SAMD12: variants seen among roughly 807,000 people sequenced by gnomAD.
The protein encoded by SAMD12 is sterile alpha motif domain-containing protein 12.
A neutral mutation model predicts 15.0 loss-of-function variants in SAMD12; 9 were observed. The ratio of observed to expected loss-of-function variants is 0.60; its 90% CI spans 0.36 to 1.05. SAMD12 has a LOEUF of 1.05. Ranked by LOEUF, SAMD12 falls within the 50% of genes least tolerant of loss-of-function variation. The probability of loss-of-function intolerance (pLI) is 0.01; values close to 1 mark genes in which losing one functional copy is unlikely to be tolerated. For synonymous variants in SAMD12, 86 were observed against 90.1 expected, an observed-to-expected ratio of 0.96 and a Z score of 0.25; for missense variants, 230 against 234.2, an observed-to-expected ratio of 0.98 and a Z score of 0.12.
At chr8:118,450,402 T>C (rs574052260) in intron 2 of SAMD12, among the ~76,000 whole-genome samples, 1 of 152,284 alleles carries the variant, frequency 6.6e-6, no homozygotes, top group South Asian at 2.1e-4. Context: ...GTGTCTGCTC[T>C]GTCTTAGTAC....
At chr8:118,467,776 T>C (rs1823640464) in intron 2 of SAMD12, among the ~76,000 whole-genome samples, 2 of 152,194 alleles carry the variant, frequency 1.3e-5, no homozygotes. Flanking sequence ...GCGGAGTAGA[T>C]GGTACCCAGT....
the SAMD12 span, among the ~76,000 whole-genome samples, chr8:118,175,425 T>C: frequency 1.3e-5 from 2 of 152,200 alleles, no homozygotes; most frequent in Non-Finnish European, 2.9e-5. Context: ...TTCTGGACAT[T>C]GCCCTGGGCA....
At chr8:118,173,633 CTT>C in the SAMD12 span, among the ~76,000 whole-genome samples, 3 of 139,338 alleles carry the variant, frequency 2.2e-5, no homozygotes, top group African/African-American at 7.9e-5. Flanking sequence ...ATATCCATAA[CTT>C]TTTTTTTTTT....
chr8:118,617,201 T>A (rs990335984), intron 1 of SAMD12, among the ~76,000 whole-genome samples: 1 of 152,264 alleles, frequency 6.6e-6, no homozygotes, highest in Admixed American at 6.5e-5. Flanking sequence ...TTACTCTCTG[T>A]GATGCAGTTC....
intron 4 of SAMD12, among the ~76,000 whole-genome samples, chr8:118,367,840 G>A (rs1465455942): frequency 2.6e-5 from 4 of 152,140 alleles, no homozygotes; most frequent in Non-Finnish European, 5.9e-5. Context: ...CATTAGGGGC[G>A]CTACAAAAGG....
chr8:118,580,960 T>C, intron 1 of SAMD12, 67 bp from the exon 2 acceptor site: 1 of 1,283,510 alleles, frequency 7.8e-7, no homozygotes, highest in South Asian at 1.4e-5. Flanking sequence ...TGACAGAAAA[T>C]ATTCATCAAG....
exon 5 of SAMD12, chr8:118,196,760 A>T (rs1197906061): frequency 6.6e-6 from 1 of 152,092 alleles, no homozygotes; most frequent in African/African-American, 2.4e-5. Context: ...CCATCCATCC[A>T]CCATGGTCTT....
At chr8:118,439,758 T>G in intron 3 of SAMD12, 74 bp downstream of exon 3, 1 of 1,421,298 alleles carries the variant, frequency 7.0e-7, no homozygotes, top group Admixed American at 1.8e-5. Context: ...TGTTTCATGG[T>G]AAGGGTATGG....
chr8:118,349,431 C>G (rs1001010938), intron 4 of SAMD12, among the ~76,000 whole-genome samples: 1 of 152,198 alleles, frequency 6.6e-6, no homozygotes, highest in Non-Finnish European at 1.5e-5. Flanking sequence ...GAATACAGAA[C>G]TTTGAAAGGG....
chr8:118,259,584 C>T (rs1438536228), intron 4 of SAMD12, among the ~76,000 whole-genome samples: 1 of 152,048 alleles, frequency 6.6e-6, no homozygotes, highest in Non-Finnish European at 1.5e-5. Flanking sequence ...TGGCCCCTCT[C>T]AGTTTCTATT....
In SAMD12 at chr8:118,388,434, T is replaced by G. The variant is rs573623602; in HGVS notation, c.323-8734A>C. Reference sequence around the variant, plus strand: ...CTCTCTTTTGTCTTTTGAGAGCGGCTTTTTTCTCACCTGGTGGGGTTTTTA... The same window carrying G: ...CTCTCTTTTGTCTTTTGAGAGCGGCGTTTTTCTCACCTGGTGGGGTTTTTA... On this transcript the variant is annotated intron_variant, in intron 3 of 3. Coordinates refer to ENST00000314727, the MANE Select transcript of SAMD12 (RefSeq NM_207506.3). Among the ~76,000 whole-genome samples the G allele has an allele frequency of 1.3e-4, 20 of 152,316 alleles. No individual in the cohort carries two copies. The South Asian group carries it at 3.9e-3, about 30-fold the overall frequency.
intron 2 of SAMD12, among the ~76,000 whole-genome samples, chr8:118,505,186 C>T (rs931867923): frequency 3.9e-5 from 6 of 152,262 alleles, no homozygotes; most frequent in Non-Finnish European, 5.9e-5. Context: ...GATGGCATCA[C>T]GATGGAATCT....
At chr8:118,530,976 G>T (rs1786065048) in intron 2 of SAMD12, among the ~76,000 whole-genome samples, 1 of 152,134 alleles carries the variant, frequency 6.6e-6, no homozygotes, top group Non-Finnish European at 1.5e-5. Context: ...AAGTAGCTAG[G>T]GCTACAGGCA....
intron 4 of SAMD12, among the ~76,000 whole-genome samples, chr8:118,261,169 A>G (rs1813067382): frequency 6.6e-6 from 1 of 152,106 alleles, no homozygotes; most frequent in Non-Finnish European, 1.5e-5. Context: ...GAAGTAGTGA[A>G]TTATTATTAT....
chr8:118,474,527 C>T (rs1038294594), intron 2 of SAMD12, among the ~76,000 whole-genome samples: 1 of 151,544 alleles, frequency 6.6e-6, no homozygotes, highest in African/African-American at 2.4e-5. Flanking sequence ...ATTACAGGCA[C>T]CTGCCACCAT....
chr8:118,436,063 T>C (rs1822567448), intron 3 of SAMD12, among the ~76,000 whole-genome samples: 2 of 152,230 alleles, frequency 1.3e-5, no homozygotes, highest in Admixed American at 1.3e-4. Context: ...GTTATAAAAT[T>C]GCTCCCTAGA....
intron 2 of SAMD12, among the ~76,000 whole-genome samples, chr8:118,450,527 T>C (rs1823048035): frequency 6.6e-6 from 1 of 152,148 alleles, no homozygotes; most frequent in Non-Finnish European, 1.5e-5. Flanking sequence ...CCTCTGTGAA[T>C]GTTCGATGAA....
chr8:118,182,586 C>T, the SAMD12 span, among the ~76,000 whole-genome samples: 6 of 151,844 alleles, frequency 4.0e-5, no homozygotes, highest in African/African-American at 7.3e-5. Flanking sequence ...ACGACTACTT[C>T]GTGGAAATAA....
exon 5 of SAMD12, chr8:118,191,713 A>G (rs1819377694): frequency 7.4e-6 from 1 of 136,022 alleles, no homozygotes; most frequent in South Asian, 2.4e-4. Context: ...CAACATTAAC[A>G]CGCTAAATGC....
Sources: gnomAD v4.1 joint callset for allele counts (sites outside exome capture counted in the v4.1 genomes callset) on GRCh38, gnomAD v4.1.1 for gene constraint, MANE v1.5 for transcripts, NCBI Gene and HGNC (gene_info 2026-07-23, HGNC 2026-07-21) for gene names.